The following FAR2 variants were observed in gnomAD, a reference collection of about 807,000 sequenced individuals.
The protein encoded by FAR2 is epididymis secretory protein Li 81.
FAR2 carries 19 observed loss-of-function variants against 56.0 expected under a neutral mutation model. That is an observed-to-expected ratio of 0.34 (90% CI 0.24 to 0.50). The LOEUF is 0.50. Among genes scored for constraint, FAR2 ranks in the 20% least tolerant of loss-of-function variants. The probability of loss-of-function intolerance (pLI) is 0.98; values close to 1 mark genes in which losing one functional copy is unlikely to be tolerated. For synonymous variants in FAR2, 219 were observed against 218.8 expected (o/e 1.00, Z -0.01); for missense variants, 508 against 642.2 (o/e 0.79, Z 2.26).
At chr12:29,160,075 T>C (rs552602234) in intron 1 of FAR2, among the ~76,000 whole-genome samples, 1 of 152,338 alleles carries the variant, frequency 6.6e-6, no homozygotes, top group East Asian at 1.9e-4. Flanking sequence ...AGAGGATTTC[T>C]AGCTTTCAAC....
intron 1 of FAR2, among the ~76,000 whole-genome samples, chr12:29,150,878 C>T (rs1242390565): frequency 6.6e-6 from 1 of 152,046 alleles, no homozygotes; most frequent in Non-Finnish European, 1.5e-5. Context: ...ATGTAAATCA[C>T]CATGAGTTGG....
chr12:29,164,362 C>T (rs1949807525), intron 1 of FAR2, among the ~76,000 whole-genome samples: 1 of 152,166 alleles, frequency 6.6e-6, no homozygotes. Context: ...TGCATCTAGA[C>T]AGGAATTGGC....
chr12:29,318,114 G>A (rs1470744654), intron 9 of FAR2, among the ~76,000 whole-genome samples: 3 of 152,220 alleles, frequency 2.0e-5, no homozygotes, highest in African/African-American at 7.2e-5. Flanking sequence ...AGTATGAACA[G>A]TATTGCCTTC....
intron 2 of FAR2, among the ~76,000 whole-genome samples, chr12:29,285,766 A>C (rs1390524442): frequency 6.6e-6 from 1 of 151,842 alleles, no homozygotes; most frequent in African/African-American, 2.4e-5. Context: ...TAAAAATACA[A>C]AAATTAGCTG....
intron 1 of FAR2, among the ~76,000 whole-genome samples, chr12:29,229,179 T>C (rs1947814943): frequency 6.6e-6 from 1 of 152,230 alleles, no homozygotes. Flanking sequence ...GGTCTCCTTT[T>C]AATTCTTCTA....
chr12:29,202,218 G>C (rs1947425653), intron 1 of FAR2, among the ~76,000 whole-genome samples: 1 of 152,126 alleles, frequency 6.6e-6, no homozygotes, highest in Admixed American at 6.5e-5. Context: ...GAGGACAAGT[G>C]ACACAAACTC....
intron 1 of FAR2, among the ~76,000 whole-genome samples, chr12:29,258,082 G>A (rs1402985339): frequency 1.3e-5 from 2 of 151,886 alleles, no homozygotes; most frequent in African/African-American, 2.4e-5. Flanking sequence ...AGTGGCTCAC[G>A]CATGTAATTC....
chr12:29,174,459 T>C (rs1949917668), intron 1 of FAR2, among the ~76,000 whole-genome samples: 1 of 104,688 alleles, frequency 9.6e-6, no homozygotes, highest in Admixed American at 1.5e-4. Context: ...TTTTGTGAGA[T>C]GGAGTCTTGC....
chr12:29,201,980 G>A (rs189944723), intron 1 of FAR2, among the ~76,000 whole-genome samples: 74 of 152,228 alleles, frequency 4.9e-4, no homozygotes, highest in Admixed American at 9.2e-4. Flanking sequence ...CAGGAAATAA[G>A]TGAGTTCCTC....
intron 1 of FAR2, among the ~76,000 whole-genome samples, chr12:29,172,580 G>A (rs1949898424): frequency 1.3e-5 from 2 of 152,074 alleles, no homozygotes; most frequent in Admixed American, 1.3e-4. Flanking sequence ...AGAACGCTGA[G>A]GTTGCCAGGT....
chr12:29,166,234 A>C (rs565911679), intron 1 of FAR2, among the ~76,000 whole-genome samples: 1 of 152,370 alleles, frequency 6.6e-6, no homozygotes. Context: ...AGTATCTAAG[A>C]CTGATAAGGT....
At chr12:29,270,741 A>G (rs1188855907) in intron 2 of FAR2, 103 bp downstream of exon 2, 1 of 991,624 alleles carries the variant, frequency 1.0e-6, no homozygotes, top group African/African-American at 1.7e-5. Flanking sequence ...GGACCAGGCT[A>G]CCTGCACAGG....
At chr12:29,209,355 C>T (rs1460319078) in intron 1 of FAR2, among the ~76,000 whole-genome samples, 2 of 152,172 alleles carry the variant, frequency 1.3e-5, no homozygotes, top group African/African-American at 4.8e-5. Flanking sequence ...TCAGGTCAAT[C>T]GTCAATGTAT....
intron 2 of FAR2, among the ~76,000 whole-genome samples, chr12:29,285,405 G>C (rs1948857437): frequency 6.6e-6 from 1 of 152,096 alleles, no homozygotes; most frequent in Admixed American, 6.6e-5. Context: ...CCCTCCAAAG[G>C]ACTAAGAAAC....
intron 1 of FAR2, among the ~76,000 whole-genome samples, chr12:29,213,831 T>C (rs1947587915): frequency 6.6e-6 from 1 of 152,198 alleles, no homozygotes; most frequent in South Asian, 2.1e-4. Context: ...TGACCTCCTT[T>C]AAGTAAACTT....
At chr12:29,296,491 G>T (rs546062999) in intron 3 of FAR2, among the ~76,000 whole-genome samples, 2 of 152,286 alleles carry the variant, frequency 1.3e-5, no homozygotes, top group Non-Finnish European at 2.9e-5. Flanking sequence ...TTCCTGGAAT[G>T]AACTATTTCA....
chr12:29,301,442 T>A (rs984140566), intron 4 of FAR2, among the ~76,000 whole-genome samples: 3 of 152,226 alleles, frequency 2.0e-5, no homozygotes, highest in Non-Finnish European at 4.4e-5. Context: ...TTTTCCAGAA[T>A]AACAGCTTAT....
intron 2 of FAR2, among the ~76,000 whole-genome samples, chr12:29,278,430 C>T: frequency 6.6e-6 from 1 of 152,086 alleles, no homozygotes; most frequent in East Asian, 1.9e-4. Context: ...GCCTCAACCT[C>T]CCGGGCTCAC....
At chr12:29,224,061 G>C (rs969290055) in intron 1 of FAR2, among the ~76,000 whole-genome samples, 1 of 152,126 alleles carries the variant, frequency 6.6e-6, no homozygotes, top group Non-Finnish European at 1.5e-5. Context: ...CTAAGAAATC[G>C]ATGACTAATT....
Sources: gnomAD v4.1 joint callset for allele counts (sites outside exome capture counted in the v4.1 genomes callset) on GRCh38, gnomAD v4.1.1 for gene constraint, MANE v1.5 for transcripts, NCBI Gene and HGNC (gene_info 2026-07-23, HGNC 2026-07-21) for gene names.